Variants in MTERF1 observed in about 807,000 individuals in gnomAD.
MTERF1 encodes mitochondrial transcription termination factor 1.
MTERF1 carries 29 observed loss-of-function variants against 31.6 expected under a neutral mutation model. The ratio of observed to expected loss-of-function variants is 0.92; its 90% CI spans 0.68 to 1.25. The LOEUF (loss-of-function observed/expected upper bound fraction) is 1.25. MTERF1 is among the 50% of genes most tolerant of loss of function. The pLI is 0.00. For missense variants in MTERF1, 500 were observed against 469.1 expected, an observed-to-expected ratio of 1.07 and a Z score of -0.61; for synonymous variants, 152 against 164.1, an observed-to-expected ratio of 0.93 and a Z score of 0.57.
intron 2 of MTERF1, among the ~76,000 whole-genome samples, chr7:91,877,939 C>T (rs1046164512): frequency 1.3e-5 from 2 of 152,176 alleles, no homozygotes; most frequent in Admixed American, 6.5e-5. Flanking sequence ...GCACTATCGC[C>T]TCTCAAACCT....
Position 91,871,689 on chromosome 7 carries a change from G to C in MTERF1, c.*1905C>G, listed in dbSNP as rs1789188289. 2 of 152,158 alleles carry C rather than the reference G, an allele frequency of 1.3e-5. No individual in the cohort carries two copies. Among genetic ancestry groups the C allele is most frequent in the Non-Finnish European group, 2.9e-5 (2 of 68,032 alleles). The allele number at this position is 152,158 out of a possible 1,614,324, so 9.4% of individuals were successfully genotyped here. On this transcript the variant is annotated 3_prime_UTR_variant, in exon 3 of 3. Transcript: ENST00000351870. Reference sequence around the variant, plus strand: ...AACAGATTCATTTTTGCTTAGGCTTGGGGGAACAAATGGAGGGAAATAATG... The same window carrying C: ...AACAGATTCATTTTTGCTTAGGCTTCGGGGAACAAATGGAGGGAAATAATG...
chr7:91,877,261 G>A (rs977025058), intron 2 of MTERF1, among the ~76,000 whole-genome samples: 4 of 152,136 alleles, frequency 2.6e-5, no homozygotes, highest in Admixed American at 2.0e-4. Context: ...GCCACAGAAT[G>A]TTCAACAGAA....
intron 2 of MTERF1, among the ~76,000 whole-genome samples, chr7:91,878,853 T>C (rs1399919442): frequency 6.6e-6 from 1 of 151,870 alleles, no homozygotes. Flanking sequence ...AAAGACAATA[T>C]GTGTTTGTTA....
In MTERF1 at chr7:91,874,753, C is replaced by A. The variant is rs913241659; in HGVS notation, c.41G>T (p.Gly14Val). The A allele has an allele frequency of 6.2e-7, 1 of 1,600,064 alleles. No homozygotes were observed. The part of the protein sequence containing the change: ...LSLGQTSISK[G>V]LNYLTIMAPG... ...TGCCATAATGGTTAGGTAGTTCAAA[C>A]CTTTTGAAATGCTGTGTAAAACAAC... The change falls in exon 3 of 3, where the codon GGT (glycine) becomes GTT (valine). Residue 14 changes from glycine to valine, a missense_variant. Coordinates refer to ENST00000351870, the MANE Select transcript of MTERF1 (RefSeq NM_006980.5).
intron 2 of MTERF1, among the ~76,000 whole-genome samples, chr7:91,877,999 C>T (rs35849169): frequency 0.44 from 66,798 of 151,980 alleles, 15,375 homozygotes; most frequent in Admixed American, 0.52. Flanking sequence ...TTTGCTTAAG[C>T]TGTTCTTTCT....
At chr7:91,880,282 C>A in intron 1 of MTERF1, 169 bp from the exon 2 acceptor site, 1 of 583,850 alleles carries the variant, frequency 1.7e-6, no homozygotes, top group African/African-American at 1.9e-5. Flanking sequence ...ACGGCAAGTA[C>A]ATGCCTACAT....
chr7:91,874,017 T>G lies in MTERF1; in HGVS notation c.777A>C (p.Leu259Phe), dbSNP rs1361879520. ...CACTGTTCAAATTGAAAGTTGACCG[T>G]AAGAATTCAATGTTAGCTTTCACCC... Reference protein sequence around the residue: ...TKRVKANIEFLRSTFNLNSEE... With the variant: ...TKRVKANIEFFRSTFNLNSEE... The change falls in exon 3 of 3, where the codon TTA becomes TTC. Residue 259 changes from leucine to phenylalanine, a missense_variant. Physicochemically the swap from Leu to Phe is conservative, Grantham distance 22. Transcript: ENST00000351870. 2 of 1,614,060 alleles carry G rather than the reference T, an allele frequency of 1.2e-6. No individual in the cohort carries two copies. Among genetic ancestry groups the G allele is most frequent in the East Asian group, 2.2e-5 (1 of 44,876 alleles).
rs778454287 is a variant in MTERF1, at chr7:91,872,455, G to A, written c.*1139C>T. On this transcript the variant is annotated 3_prime_UTR_variant, in exon 3 of 3. Transcript: ENST00000351870. ...ACAAGTTACTCAGGAATGGTGCCCA[G>A]ATACATCACTCTAAAGCTCTTGCTT... 3 of 152,168 alleles carry A rather than the reference G, an allele frequency of 2.0e-5. No homozygotes were observed. Among genetic ancestry groups the A allele is most frequent in the Non-Finnish European group, 4.4e-5 (3 of 68,028 alleles). The allele number at this position is 152,168 out of a possible 1,614,324, so 9.4% of individuals were successfully genotyped here.
At position 91,873,592 on chromosome 7, in the gene MTERF1, C is replaced by G; in HGVS notation, c.*2G>C. ...TCCTGAGAATTAAAAACATTGGCAT[C>G]CTTAGGCAAATCTGCTTAACTTTTT... On this transcript the variant is annotated 3_prime_UTR_variant, in exon 3 of 3. Transcript: ENST00000351870. 6.3e-7 allele frequency: 1 copy of G among 1,595,154 alleles called. No homozygotes were observed. The highest frequency in any genetic ancestry group is 8.5e-7 in the Non-Finnish European group (1 of 1,172,020).
Position 91,874,595 on chromosome 7 carries a change from T to C in MTERF1, c.199A>G (p.Ser67Gly), listed in dbSNP as rs775131789. The C allele has an allele frequency of 1.1e-5, 18 of 1,614,168 alleles. No homozygotes were observed. In the South Asian group the frequency reaches 1.6e-4, roughly 15 times the overall value. ...LFGVKCHNTD[S>G]EPLKNEDLLK... ...AGGTCCTCATTTTTCAAAGGCTCAC[T>C]GTCTGTATTATGACACTTCACACCA... Residue 67 changes from serine (S) to glycine (G), a missense_variant, in exon 3 of 3, where the codon AGT becomes GGT. Physicochemically the swap from Ser to Gly is moderately conservative, Grantham distance 56 (BLOSUM62 0). Coordinates refer to ENST00000351870, the MANE Select transcript of MTERF1 (RefSeq NM_006980.5).
chr7:91,880,262 A>G lies in MTERF1; in HGVS notation c.-30-149T>C, dbSNP rs1789471915. On this transcript the variant is annotated intron_variant, in intron 1 of 2. Transcript: ENST00000351870. The stretch of plus-strand genomic sequence containing the variant: ...TGCAAACAACATTTCTCAGACATAC[A>G]GAAAAGAAAACGGCAAGTACATGCC... 4 of 634,348 alleles carry G rather than the reference A, an allele frequency of 6.3e-6. No homozygotes were observed. In the East Asian group the frequency reaches 1.1e-4, roughly 18 times the overall value. 39.3% of individuals were successfully genotyped at this position (634,348 alleles called of 1,614,324 possible). A position where few individuals can be genotyped will look rare whatever the true frequency, so the allele number is the denominator to read the frequency against.
rs1789227485 is a variant in MTERF1 at position 91,873,230 on chromosome 7, G to A, written c.*364C>T. 1 of 167,314 alleles carries A rather than the reference G, an allele frequency of 6.0e-6. No homozygotes were observed. The highest frequency in any genetic ancestry group is 2.4e-5 in the African/African-American group (1 of 41,900). The allele number at this position is 167,314 out of a possible 1,614,324, so 10.4% of individuals were successfully genotyped here. On this transcript the variant is annotated 3_prime_UTR_variant, in exon 3 of 3. Coordinates refer to ENST00000351870, the MANE Select transcript of MTERF1 (RefSeq NM_006980.5). ...ATTGATCTCACTGGGCTAAAAAGGT[G>A]CCAGCAAGGCTGCATTCCTTTCTGG...
In MTERF1 at chr7:91,880,663, C is replaced by A; in HGVS notation, c.-37G>T. The A allele has an allele frequency of 6.5e-6, 1 of 153,220 alleles. No homozygotes were observed. Among genetic ancestry groups the A allele is most frequent in the African/African-American group, 2.4e-5 (1 of 41,608 alleles). 9.5% of individuals were successfully genotyped at this position (153,220 alleles called of 1,614,324 possible). The stretch of plus-strand genomic sequence containing the variant: ...ACCACCTTCCCAATCTCACCCTGAA[C>A]TGCACCCATCCACTGTAGTTCGCTT... On this transcript the variant is annotated 5_prime_UTR_variant, in exon 1 of 3. Transcript: ENST00000351870.
In MTERF1 at chr7:91,874,174, C is replaced by T. The variant is rs1217146078; in HGVS notation, c.620G>A (p.Ser207Asn). Residue 207 changes from serine to asparagine, a missense_variant, in exon 3 of 3, where the codon AGT becomes AAT. By Grantham distance (46) the Ser-to-Asn change is conservative. Coordinates refer to ENST00000351870, the MANE Select transcript of MTERF1 (RefSeq NM_006980.5). ...LTNAPRTFSN[S>N]LDLNKQMVEF... The stretch of plus-strand genomic sequence containing the variant: ...AACCATCTGTTTATTCAGATCAAGA[C>T]TATTGGAGAAGGTACGAGGGGCATT... 1 of 1,614,110 alleles carries T rather than the reference C, an allele frequency of 6.2e-7. No individual in the cohort carries two copies. Among genetic ancestry groups the T allele is most frequent in the East Asian group, 2.2e-5 (1 of 44,884 alleles).
Position 91,872,495 on chromosome 7 carries a change from T to C in MTERF1, c.*1099A>G, listed in dbSNP as rs1429558083. ...AGCTCTTGCTTTCTAAACTATGCCATGCTTGCCATCAAATAGTTAACCAAA... is the reference window on the plus strand; with the variant it reads ...AGCTCTTGCTTTCTAAACTATGCCACGCTTGCCATCAAATAGTTAACCAAA... On this transcript the variant is annotated 3_prime_UTR_variant, in exon 3 of 3. Transcript: ENST00000351870. 6.6e-6 allele frequency: 1 copy of C among 152,244 alleles called. No homozygotes were observed. The highest frequency in any genetic ancestry group is 6.5e-5 in the Admixed American group (1 of 15,276). The allele number at this position is 152,244 out of a possible 1,614,324, so 9.4% of individuals were successfully genotyped here.
In MTERF1 at chr7:91,873,350, C is replaced by G; in HGVS notation, c.*244G>C. ...TCAAGGTGTCTTCCTCCTTCAAAGC[C>G]ACCTTTTAACTTCCTTCAAAAGTAG... is the stretch of plus-strand genomic sequence containing the variant. On this transcript the variant is annotated 3_prime_UTR_variant, in exon 3 of 3. Coordinates refer to ENST00000351870, the MANE Select transcript of MTERF1 (RefSeq NM_006980.5). The G allele has an allele frequency of 5.6e-6, 2 of 355,208 alleles. No homozygotes were observed. The highest frequency in any genetic ancestry group is 1.0e-5 in the Non-Finnish European group (2 of 199,496). The allele number at this position is 355,208 out of a possible 1,614,324, so 22.0% of individuals were successfully genotyped here.
intron 2 of MTERF1, 26 bp from the exon 3 acceptor site, chr7:91,874,790 T>C (rs747795642): frequency 1.3e-6 from 2 of 1,500,624 alleles, no homozygotes; most frequent in Non-Finnish European, 1.8e-6. Flanking sequence ...CATAAAATAT[T>C]ACACAAATGC....
At position 91,874,768 on chromosome 7, in the gene MTERF1, T is replaced by C; in HGVS notation, c.30-4A>G. 6.3e-7 allele frequency: 1 copy of C among 1,583,612 alleles called. No individual in the cohort carries two copies. The highest frequency in any genetic ancestry group is 8.6e-7 in the Non-Finnish European group (1 of 1,165,200). ...GTAGTTCAAACCTTTTGAAATGCTG[T>C]GTAAAACAACACATAAAATATTACA... is the stretch of plus-strand genomic sequence containing the variant. On this transcript the variant is annotated splice_polypyrimidine_tract_variant and splice_region_variant and intron_variant, in intron 2 of 2. Coordinates refer to ENST00000351870, the MANE Select transcript of MTERF1 (RefSeq NM_006980.5).
At position 91,874,729 on chromosome 7, in the gene MTERF1, G is replaced by C; in HGVS notation, c.65C>G (p.Ala22Gly). The C allele has an allele frequency of 6.2e-7, 1 of 1,613,150 alleles. No homozygotes were observed. Among genetic ancestry groups the C allele is most frequent in the East Asian group, 2.2e-5 (1 of 44,872 alleles). Reference sequence around the variant, plus strand: ...TCTCATATGCCAGAGGTTTCCTGGTGCCATAATGGTTAGGTAGTTCAAACC... The same window carrying C: ...TCTCATATGCCAGAGGTTTCCTGGTCCCATAATGGTTAGGTAGTTCAAACC... ...SKGLNYLTIM[A>G]PGNLWHMRNN... Residue 22 changes from alanine to glycine, a missense_variant, in exon 3 of 3, where the codon GCA becomes GGA. By Grantham distance (60) the Ala-to-Gly change is moderately conservative. Coordinates refer to ENST00000351870, the MANE Select transcript of MTERF1 (RefSeq NM_006980.5).
Sources: allele counts gnomAD v4.1 joint callset (sites outside exome capture counted in the v4.1 genomes callset), GRCh38; gene constraint gnomAD v4.1.1; transcripts MANE v1.5; gene names NCBI Gene and HGNC (gene_info 2026-07-23, HGNC 2026-07-21).